Variants in MNAT1 observed in about 807,000 individuals in gnomAD.
MNAT1 encodes MNAT1 component of CDK activating kinase, also known as CDK-activating kinase assembly factor MAT1.
A neutral mutation model predicts 42.0 loss-of-function variants in MNAT1; 43 were observed. The observed-to-expected ratio is 1.02, with a 90% CI of 0.80 to 1.32. The LOEUF is 1.32. Ranked by LOEUF, MNAT1 falls within the 40% of genes most tolerant of loss-of-function variation. MNAT1 has a pLI of 0.00. For missense variants in MNAT1, 306 were observed against 350.4 expected (o/e 0.87, Z 1.01); for synonymous variants, 118 against 120.0 (o/e 0.98, Z 0.11).
At chr14:60,861,840 A>T (rs2034103015) in intron 6 of MNAT1, among the ~76,000 whole-genome samples, 1 of 152,170 alleles carries the variant, frequency 6.6e-6, no homozygotes, top group South Asian at 2.1e-4. Context: ...TGGTGTGGTA[A>T]TTCCTGTTAT....
intron 7 of MNAT1, among the ~76,000 whole-genome samples, chr14:60,911,347 A>C (rs1301154780): frequency 6.6e-6 from 1 of 151,920 alleles, no homozygotes; most frequent in East Asian, 1.9e-4. Flanking sequence ...TGACTTAGTT[A>C]TGTCTTGCCT....
At chr14:60,965,817 G>A (rs557972798) in intron 7 of MNAT1, among the ~76,000 whole-genome samples, 55 of 152,144 alleles carry the variant, frequency 3.6e-4, no homozygotes, top group African/African-American at 1.1e-3. Flanking sequence ...TCTGGTGTGC[G>A]GATAAAAATT....
chr14:60,928,082 C>G (rs1453729877), intron 7 of MNAT1, among the ~76,000 whole-genome samples: 1 of 152,150 alleles, frequency 6.6e-6, no homozygotes, highest in Non-Finnish European at 1.5e-5. Flanking sequence ...TTTGTCTCCA[C>G]AGACTTGCCT....
intron 3 of MNAT1, among the ~76,000 whole-genome samples, chr14:60,805,030 A>G (rs2032323860): frequency 6.6e-6 from 1 of 152,194 alleles, no homozygotes. Flanking sequence ...ATAAGAAACC[A>G]AGATAATTTA....
At chr14:60,872,497 T>A (rs1274365568) in intron 6 of MNAT1, among the ~76,000 whole-genome samples, 3 of 152,178 alleles carry the variant, frequency 2.0e-5, no homozygotes, top group Admixed American at 2.0e-4. Context: ...CTACCGATTC[T>A]TGCAGTTTTA....
chr14:60,869,186 T>C (rs1055640685), intron 6 of MNAT1, among the ~76,000 whole-genome samples: 3 of 149,936 alleles, frequency 2.0e-5, no homozygotes, highest in Non-Finnish European at 4.5e-5. Flanking sequence ...CACACTGCCA[T>C]GCCCAGCTAA....
intron 6 of MNAT1, among the ~76,000 whole-genome samples, chr14:60,842,505 G>A (rs942584120): frequency 1.3e-5 from 2 of 152,056 alleles, no homozygotes; most frequent in African/African-American, 4.8e-5. Flanking sequence ...GTTCTGTACT[G>A]GCTGTTACTC....
At chr14:60,808,139 G>A (rs769322285) in intron 3 of MNAT1, among the ~76,000 whole-genome samples, 186 bp from the exon 4 acceptor site, 8 of 151,972 alleles carry the variant, frequency 5.3e-5, no homozygotes, top group Non-Finnish European at 1.2e-4. Context: ...CTTGTGTTTG[G>A]CTTGGAAAAC....
chr14:60,914,851 G>A (rs370762229), intron 7 of MNAT1, among the ~76,000 whole-genome samples: 4 of 152,296 alleles, frequency 2.6e-5, no homozygotes, highest in Admixed American at 1.3e-4. Flanking sequence ...CTATACTTTG[G>A]GAGAGCAGAG....
chr14:60,950,415 C>T (rs955438528), intron 7 of MNAT1, among the ~76,000 whole-genome samples: 3 of 152,086 alleles, frequency 2.0e-5, no homozygotes, highest in Admixed American at 2.0e-4. Flanking sequence ...ACTATATACC[C>T]TATCACCCTT....
chr14:60,911,513 G>A (rs1467073352), intron 7 of MNAT1, among the ~76,000 whole-genome samples: 1 of 151,856 alleles, frequency 6.6e-6, no homozygotes, highest in Non-Finnish European at 1.5e-5. Flanking sequence ...CAGAGATTCT[G>A]GTATGTTGTG....
At chr14:60,792,585 C>T (rs1043143646) in intron 1 of MNAT1, among the ~76,000 whole-genome samples, 2 of 152,118 alleles carry the variant, frequency 1.3e-5, no homozygotes, top group Non-Finnish European at 2.9e-5. Flanking sequence ...AACTAGGTTA[C>T]TTCACAGAAA....
chr14:60,900,570 G>A (rs982567586), intron 7 of MNAT1, among the ~76,000 whole-genome samples: 6 of 152,190 alleles, frequency 3.9e-5, no homozygotes, highest in Non-Finnish European at 7.4e-5. Flanking sequence ...GTAACGTAAA[G>A]TGCAAGGTGA....
chr14:60,769,455 T>C (rs1011903564), intron 1 of MNAT1, among the ~76,000 whole-genome samples: 1 of 152,014 alleles, frequency 6.6e-6, no homozygotes, highest in Non-Finnish European at 1.5e-5. Context: ...TATTTTATTT[T>C]ATTTTTTTTC....
intron 7 of MNAT1, among the ~76,000 whole-genome samples, chr14:60,967,939 C>G (rs1434255715): frequency 2.0e-5 from 3 of 152,156 alleles, no homozygotes; most frequent in Non-Finnish European, 4.4e-5. Flanking sequence ...CAAATCAGCT[C>G]TGAAAATCGT....
At chr14:60,845,694 T>C (rs2033665046) in intron 6 of MNAT1, among the ~76,000 whole-genome samples, 1 of 152,152 alleles carries the variant, frequency 6.6e-6, no homozygotes, top group African/African-American at 2.4e-5. Context: ...CTGCTTTCAC[T>C]CCGAGCCCTA....
intron 7 of MNAT1, among the ~76,000 whole-genome samples, chr14:60,886,928 G>A (rs1026340042): frequency 1.3e-5 from 2 of 152,008 alleles, no homozygotes; most frequent in African/African-American, 2.4e-5. Flanking sequence ...GAAAGTGGAC[G>A]TCCTTGTCTT....
intron 6 of MNAT1, among the ~76,000 whole-genome samples, chr14:60,870,788 A>G (rs2139448906): frequency 6.6e-6 from 1 of 152,298 alleles, no homozygotes; most frequent in African/African-American, 2.4e-5. Context: ...AAAATATACA[A>G]TGTATTGATT....
chr14:60,734,836 G>C lies in MNAT1; in HGVS notation c.-27G>C, dbSNP rs144521688. The C allele has an allele frequency of 1.8e-4, 283 of 1,612,254 alleles. No homozygotes were observed. In the African/African-American group the frequency reaches 3.2e-3, roughly 18 times the overall value. On this transcript the variant is annotated 5_prime_UTR_variant, in exon 1 of 8. Coordinates refer to ENST00000261245, the MANE Select transcript of MNAT1 (RefSeq NM_002431.4). The surrounding 1 kb of genome is among the most constrained non-coding windows in gnomAD (Gnocchi z 4.3). ...GTGGCTCTGGCTGAAACAGGCGCCTGCGAGAGTCTGTAGGAGGGAAACCGC... is the reference window on the plus strand; with the variant it reads ...GTGGCTCTGGCTGAAACAGGCGCCTCCGAGAGTCTGTAGGAGGGAAACCGC...
Sources: gnomAD v4.1 joint callset for allele counts (sites outside exome capture counted in the v4.1 genomes callset) on GRCh38, gnomAD v4.1.1 for gene constraint, Gnocchi (gnomAD v3.1) non-coding constraint, MANE v1.5 for transcripts, NCBI Gene and HGNC (gene_info 2026-07-23, HGNC 2026-07-21) for gene names.